The following TES variants were observed in gnomAD, a reference collection of about 807,000 sequenced individuals.
TES encodes the protein testin LIM domain protein.
In TES, 41 loss-of-function variants were observed where a neutral mutation model predicts 48.2. The observed-to-expected ratio is 0.85, with a 90% CI of 0.66 to 1.10. The LOEUF (loss-of-function observed/expected upper bound fraction) is 1.10. Among genes scored for constraint, TES ranks in the 50% least tolerant of loss-of-function variants. The pLI, the probability that TES is intolerant of heterozygous loss-of-function variation, is 0.00. For missense variants in TES, 463 were observed against 515.1 expected, an observed-to-expected ratio of 0.90 and a Z score of 0.98; for synonymous variants, 162 against 174.9, an observed-to-expected ratio of 0.93 and a Z score of 0.58.
rs544216953 is a variant in TES, at chr7:116,256,862, A to C, written c.1078-432A>C. The stretch of plus-strand genomic sequence containing the variant: ...GATTTTAATTTACTACTGTCTAGAA[A>C]TTAGTGGTGTTAATAATCTCATGTG... On this transcript the variant is annotated intron_variant, in intron 6 of 6. Coordinates refer to ENST00000358204, the MANE Select transcript of TES (RefSeq NM_015641.4). Among the ~76,000 whole-genome samples, 12 of 152,328 alleles carry C rather than the reference A, an allele frequency of 7.9e-5. No individual in the cohort carries two copies. In the South Asian group the frequency reaches 2.5e-3, roughly 32 times the overall value.
At chr7:116,252,575 C>A in intron 6 of TES, 99 bp downstream of exon 6, 1 of 1,569,752 alleles carries the variant, frequency 6.4e-7, no homozygotes, top group African/African-American at 1.3e-5. Context: ...AGAAAGCAGT[C>A]CTCCTAAGTA....
chr7:116,231,449 G>A (rs1584616724), intron 1 of TES, among the ~76,000 whole-genome samples: 1 of 152,154 alleles, frequency 6.6e-6, no homozygotes, highest in African/African-American at 2.4e-5. Context: ...GAGAACATGT[G>A]CCCAAGGTGG....
intron 6 of TES, among the ~76,000 whole-genome samples, chr7:116,254,759 TGTGTG>T: frequency 1.4e-5 from 1 of 71,098 alleles, no homozygotes; most frequent in Admixed American, 1.3e-4. Context: ...TATATATATA[TGTGTG>T]TGTGTGTGTG....
chr7:116,240,658 C>A (rs1439849490), intron 2 of TES, among the ~76,000 whole-genome samples: 1 of 152,154 alleles, frequency 6.6e-6, no homozygotes, highest in Non-Finnish European at 1.5e-5. Context: ...ATGAAAAAGA[C>A]TTTTAAACTA....
intron 2 of TES, among the ~76,000 whole-genome samples, chr7:116,244,765 C>A (rs1036907298): frequency 4.6e-5 from 7 of 152,206 alleles, no homozygotes; most frequent in African/African-American, 1.2e-4. Flanking sequence ...TCTGCCCCTG[C>A]AATAAACTTC....
intron 1 of TES, among the ~76,000 whole-genome samples, chr7:116,225,563 T>G (rs1418165551): frequency 2.0e-5 from 3 of 152,234 alleles, no homozygotes; most frequent in Non-Finnish European, 4.4e-5. Flanking sequence ...TACTGCTGTC[T>G]GTGAACAAAA....
At position 116,210,748 on chromosome 7, in the gene TES, C is replaced by A. The variant is rs373808073; in HGVS notation, c.27+14C>A. On this transcript the variant is annotated intron_variant, in intron 1 of 6. Transcript: ENST00000358204. ...AAAGTGAAGAAGGTAGGGGGGCGCT[C>A]GTGGCGGGCGGCGGCTGCTTCACCT... is the stretch of plus-strand genomic sequence containing the variant. 2 of 1,240,856 alleles carry A rather than the reference C, an allele frequency of 1.6e-6. No homozygotes were observed. The highest frequency in any genetic ancestry group is 3.1e-5 in the African/African-American group (2 of 64,034). 76.9% of individuals were successfully genotyped at this position (1,240,856 alleles called of 1,614,324 possible).
chr7:116,217,464 T>C (rs1286406702), intron 1 of TES, among the ~76,000 whole-genome samples: 3 of 152,136 alleles, frequency 2.0e-5, no homozygotes, highest in Admixed American at 1.3e-4. Flanking sequence ...AATTTTTGTT[T>C]GGTAACTACT....
intron 1 of TES, among the ~76,000 whole-genome samples, chr7:116,233,304 G>C (rs1002290708): frequency 6.6e-6 from 1 of 152,058 alleles, no homozygotes. Context: ...ACAACCTTGT[G>C]TCCTTCTGCC....
In TES at chr7:116,226,199, A is replaced by G. The variant is rs779696584; in HGVS notation, c.28-8335A>G. 3.9e-5 allele frequency among the ~76,000 whole-genome samples: 6 copies of G among 152,364 alleles called. No homozygotes were observed. The South Asian group carries it at 1.2e-3, about 32-fold the overall frequency. ...AACAATTAAATAAATAAAACTTTCT[A>G]GCACTATTGTAAATCTCAGACACTG... On this transcript the variant is annotated intron_variant, in intron 1 of 6. Coordinates refer to ENST00000358204, the MANE Select transcript of TES (RefSeq NM_015641.4).
intron 2 of TES, among the ~76,000 whole-genome samples, chr7:116,244,144 C>G (rs959802059): frequency 6.6e-6 from 1 of 152,084 alleles, no homozygotes; most frequent in South Asian, 2.1e-4. Context: ...CTGCCCCAGC[C>G]CCTCCCAAAT....
intron 1 of TES, among the ~76,000 whole-genome samples, chr7:116,231,936 G>T (rs1291148519): frequency 6.6e-6 from 1 of 152,134 alleles, no homozygotes; most frequent in Non-Finnish European, 1.5e-5. Context: ...TGCTTCATGG[G>T]TTTATAATTT....
At chr7:116,255,856 C>T (rs1295405385) in intron 6 of TES, among the ~76,000 whole-genome samples, 1 of 152,094 alleles carries the variant, frequency 6.6e-6, no homozygotes, top group Non-Finnish European at 1.5e-5. Flanking sequence ...ATTGAAACAT[C>T]ACATAGTACA....
chr7:116,233,763 A>G (rs532152442), intron 1 of TES, among the ~76,000 whole-genome samples: 13 of 152,182 alleles, frequency 8.5e-5, no homozygotes, highest in Non-Finnish European at 1.3e-4. Context: ...GAGGCTGGGA[A>G]GTTCAAAATC....
rs752697148 is a variant in TES at position 116,257,500 on chromosome 7, G to A, written c.*18G>A. The A allele has an allele frequency of 6.3e-7, 1 of 1,583,826 alleles. No individual in the cohort carries two copies. The highest frequency in any genetic ancestry group is 8.6e-7 in the Non-Finnish European group (1 of 1,164,466). On this transcript the variant is annotated 3_prime_UTR_variant, in exon 7 of 7. Transcript: ENST00000358204. ...TGTCTTAGGAGGAGGGCACCCAGAA[G>A]TATCGAGCCATAGCTATCCAAAGTG... is the stretch of plus-strand genomic sequence containing the variant.
intron 1 of TES, among the ~76,000 whole-genome samples, chr7:116,212,325 T>C (rs535410244): frequency 1.3e-5 from 2 of 152,336 alleles, no homozygotes; most frequent in South Asian, 4.1e-4. Flanking sequence ...AAATGGCTGA[T>C]ACATGTAATT....
chr7:116,242,778 A>G (rs1255330681), intron 2 of TES, among the ~76,000 whole-genome samples: 1 of 152,022 alleles, frequency 6.6e-6, no homozygotes, highest in African/African-American at 2.4e-5. Context: ...TAATTAATAC[A>G]TTGCATTTCT....
At chr7:116,235,751 A>G (rs1303151313) in intron 2 of TES, among the ~76,000 whole-genome samples, 1 of 152,204 alleles carries the variant, frequency 6.6e-6, no homozygotes, top group Non-Finnish European at 1.5e-5. Flanking sequence ...CATTTGAGAA[A>G]CACTTCTGTA....
At chr7:116,218,700 T>G (rs900117510) in intron 1 of TES, among the ~76,000 whole-genome samples, 9 of 152,254 alleles carry the variant, frequency 5.9e-5, no homozygotes, top group Non-Finnish European at 8.8e-5. Context: ...TTGATAGATT[T>G]TTTTTTAAAA....
Sources: allele counts gnomAD v4.1 joint callset (sites outside exome capture counted in the v4.1 genomes callset), GRCh38; gene constraint gnomAD v4.1.1; transcripts MANE v1.5; gene names NCBI Gene and HGNC (gene_info 2026-07-23, HGNC 2026-07-21).